Variants in FAM81A observed in about 807,000 individuals in gnomAD.
FAM81A encodes family with sequence similarity 81 member A, also known as protein FAM81A.
A neutral mutation model predicts 46.7 loss-of-function variants in FAM81A; 19 were observed. The ratio of observed to expected loss-of-function variants is 0.41; its 90% CI spans 0.28 to 0.60. FAM81A has a LOEUF of 0.60. Among genes scored for constraint, FAM81A ranks in the 20% least tolerant of loss-of-function variants. The pLI, the probability that FAM81A is intolerant of heterozygous loss-of-function variation, is 0.34. For synonymous variants in FAM81A, 183 were observed against 152.9 expected, an observed-to-expected ratio of 1.20 and a Z score of -1.45; for missense variants, 377 against 453.5, an observed-to-expected ratio of 0.83 and a Z score of 1.53.
At chr15:59,410,292 AT>A (rs2081114732) in intron 2 of FAM81A, among the ~76,000 whole-genome samples, 1 of 152,118 alleles carries the variant, frequency 6.6e-6, no homozygotes, top group South Asian at 2.1e-4. Context: ...GCGAAACTCC[AT>A]GTCCAAAAAA....
chr15:59,407,291 C>CTTTTAT (rs2081100014), intron 2 of FAM81A: 1 of 120,220 alleles, frequency 8.3e-6, no homozygotes, highest in Non-Finnish European at 1.7e-5. Flanking sequence ...CTTTTCTTTC[C>CTTTTAT]TTTTTTTTTT....
At chr15:59,516,514 A>G in intron 7 of FAM81A, 131 bp from the exon 8 acceptor site, 1 of 839,134 alleles carries the variant, frequency 1.2e-6, no homozygotes, top group Non-Finnish European at 1.9e-6. Context: ...AACGGATATT[A>G]TGGTGGGCAA....
At chr15:59,458,888 C>A (rs1176594509) in intron 2 of FAM81A, among the ~76,000 whole-genome samples, 1 of 152,224 alleles carries the variant, frequency 6.6e-6, no homozygotes, top group Non-Finnish European at 1.5e-5. Context: ...AATATAACTC[C>A]GGGGGCTTCA....
chr15:59,518,528 G>A (rs1022460132), intron 8 of FAM81A, among the ~76,000 whole-genome samples: 1 of 151,996 alleles, frequency 6.6e-6, no homozygotes, highest in African/African-American at 2.4e-5. Flanking sequence ...TCCTCAGTAT[G>A]TTGCCCAGAC....
At chr15:59,409,708 A>G (rs889281048) in intron 2 of FAM81A, among the ~76,000 whole-genome samples, 8 of 152,222 alleles carry the variant, frequency 5.3e-5, no homozygotes, top group Non-Finnish European at 1.0e-4. Context: ...ATCAATAATA[A>G]TAATAGCTAA....
At chr15:59,491,332 G>A (rs751239236) in intron 3 of FAM81A, among the ~76,000 whole-genome samples, 3 of 152,086 alleles carry the variant, frequency 2.0e-5, no homozygotes, top group Admixed American at 6.6e-5. Context: ...GATAAGCTTC[G>A]CATGTTCTCA....
chr15:59,520,605 C>G (rs941613657), intron 8 of FAM81A, among the ~76,000 whole-genome samples: 7 of 149,284 alleles, frequency 4.7e-5, no homozygotes, highest in African/African-American at 1.7e-4. Flanking sequence ...GCTCTGTCGC[C>G]GAGGCTGGAG....
Position 59,492,394 on chromosome 15 carries a change from G to A in FAM81A, c.413+5G>A. The A allele has an allele frequency of 6.2e-7, 1 of 1,609,002 alleles. No homozygotes were observed. Among genetic ancestry groups the A allele is most frequent in the Non-Finnish European group, 8.5e-7 (1 of 1,176,706 alleles). On this transcript the variant is annotated splice_donor_5th_base_variant and intron_variant, in intron 4 of 8. Coordinates refer to ENST00000288228, the MANE Select transcript of FAM81A (RefSeq NM_152450.3). ...TCTTCGAGGAAGAGTGGCAAGGTAG[G>A]TGTTCAAATGTTGGGGTCTCTGCTC...
chr15:59,401,935 T>G, intron 1 of FAM81A: 1 of 744,316 alleles, frequency 1.3e-6, no homozygotes. Flanking sequence ...TTCTTTCTCT[T>G]TTTCTCATGG....
At chr15:59,483,699 G>A (rs2081882530) in intron 3 of FAM81A, among the ~76,000 whole-genome samples, 1 of 152,152 alleles carries the variant, frequency 6.6e-6, no homozygotes, top group Non-Finnish European at 1.5e-5. Context: ...TGGTGCAGAA[G>A]GCAAGAGAAG....
At chr15:59,507,578 C>G (rs996082717) in intron 5 of FAM81A, among the ~76,000 whole-genome samples, 5 of 152,176 alleles carry the variant, frequency 3.3e-5, no homozygotes, top group East Asian at 1.9e-4. Flanking sequence ...TACTCCCCAC[C>G]ACCACATTCC....
chr15:59,465,252 C>G (rs1478934683), intron 3 of FAM81A, among the ~76,000 whole-genome samples: 1 of 152,068 alleles, frequency 6.6e-6, no homozygotes, highest in Non-Finnish European at 1.5e-5. Context: ...AGTGTGATGC[C>G]TCTGGCTTTG....
chr15:59,452,373 G>A (rs986343223), intron 1 of FAM81A, among the ~76,000 whole-genome samples: 6 of 152,226 alleles, frequency 3.9e-5, no homozygotes, highest in African/African-American at 7.2e-5. Context: ...TAGGCTGAGC[G>A]TAGTGGCTCA....
intron 4 of FAM81A, among the ~76,000 whole-genome samples, chr15:59,499,532 C>A (rs886532466): frequency 1.3e-5 from 2 of 152,140 alleles, no homozygotes; most frequent in African/African-American, 4.8e-5. Context: ...AAATTACTAA[C>A]TGGGGCACTT....
At chr15:59,404,403 A>G (rs8025975) in intron 2 of FAM81A, among the ~76,000 whole-genome samples, 22,908 of 152,128 alleles carry the variant, frequency 0.15, 2,316 homozygotes, top group East Asian at 0.42. Flanking sequence ...TCTCAGGTAG[A>G]AAGGCTGTTC....
At chr15:59,493,712 C>T (rs112779324) in intron 4 of FAM81A, among the ~76,000 whole-genome samples, 16 of 152,196 alleles carry the variant, frequency 1.1e-4, no homozygotes, top group African/African-American at 3.4e-4. Flanking sequence ...CTCAGCCTCC[C>T]GAGTAGCTGA....
intron 8 of FAM81A, among the ~76,000 whole-genome samples, chr15:59,520,598 C>G (rs1047537335): frequency 1.9e-4 from 26 of 138,780 alleles, no homozygotes; most frequent in African/African-American, 6.9e-4. Context: ...GAGTCTTGCT[C>G]TGTCGCCGAG....
At chr15:59,476,993 G>T (rs1263961248) in intron 3 of FAM81A, among the ~76,000 whole-genome samples, 1 of 151,750 alleles carries the variant, frequency 6.6e-6, no homozygotes, top group Admixed American at 6.6e-5. Flanking sequence ...GGTGGCAGGT[G>T]CCTGTAACCC....
intron 4 of FAM81A, among the ~76,000 whole-genome samples, chr15:59,502,636 C>A (rs1343080766): frequency 3.3e-5 from 5 of 151,934 alleles, no homozygotes; most frequent in African/African-American, 1.2e-4. Flanking sequence ...GCTTCAGCCT[C>A]CCGAGTAGCT....
Sources: allele counts gnomAD v4.1 joint callset (sites outside exome capture counted in the v4.1 genomes callset), GRCh38; gene constraint gnomAD v4.1.1; transcripts MANE v1.5; gene names NCBI Gene and HGNC (gene_info 2026-07-23, HGNC 2026-07-21).